MIOS: variants seen among roughly 807,000 people sequenced by gnomAD.
MIOS encodes the protein meiosis regulator for oocyte development, also known as GATOR2 complex protein MIOS.
A neutral mutation model predicts 96.9 loss-of-function variants in MIOS; 52 were observed. The ratio of observed to expected loss-of-function variants is 0.54; its 90% confidence interval spans 0.43 to 0.68. The LOEUF (loss-of-function observed/expected upper bound fraction) is 0.68. MIOS is among the 30% of genes least tolerant of loss of function. The pLI is 0.00. For synonymous variants in MIOS, 397 were observed against 359.5 expected (o/e 1.10, Z -1.18); for missense variants, 1,005 against 1,052.8 (o/e 0.95, Z 0.63).
chr7:7,593,634 G>C (rs2190247), intron 9 of MIOS, among the ~76,000 whole-genome samples: 146,608 of 152,026 alleles, frequency 0.96, 70,728 homozygotes, highest in East Asian at 1. Flanking sequence ...TGACTCATGC[G>C]TGTAATCCCA....
At chr7:7,594,862 C>CG (rs1784157956) in intron 9 of MIOS, 118 bp from the exon 10 acceptor site, 2 of 351,722 alleles carry the variant, frequency 5.7e-6, no homozygotes, top group African/African-American at 4.7e-5. Flanking sequence ...CAGCTTTTGG[C>CG]AAAAAAAAAA....
chr7:7,590,212 CTG>C (rs1430749342), intron 9 of MIOS, among the ~76,000 whole-genome samples: 1 of 152,116 alleles, frequency 6.6e-6, no homozygotes, highest in Admixed American at 6.5e-5. Flanking sequence ...TGGTAGCATA[CTG>C]TGTACTGGGT....
chr7:7,593,993 T>C (rs16878521), intron 9 of MIOS, among the ~76,000 whole-genome samples: 7,249 of 152,012 alleles, frequency 0.048, 530 homozygotes, highest in African/African-American at 0.17. Flanking sequence ...AAATTATTAC[T>C]GGCAAGAACT....
Position 7,606,020 on chromosome 7 carries a change from G to A in MIOS, c.2480G>A (p.Cys827Tyr). Residue 827 changes from cysteine (C) to tyrosine (Y), a missense_variant, in exon 12 of 13, where the codon TGT becomes TAT. Coordinates refer to ENST00000340080, the MANE Select transcript of MIOS (RefSeq NM_019005.4). ...LAQFNNWFTW[C>Y]HNCRHGGHAG... ...CAATTTAACAACTGGTTTACATGGT[G>A]TCATAATTGCAGGCACGGTGGACAT... 6.2e-7 allele frequency: 1 copy of A among 1,613,992 alleles called. No homozygotes were observed. Among genetic ancestry groups the A allele is most frequent in the Non-Finnish European group, 8.5e-7 (1 of 1,179,910 alleles).
chr7:7,586,504 G>C (rs1448113360), intron 7 of MIOS, among the ~76,000 whole-genome samples: 1 of 152,050 alleles, frequency 6.6e-6, no homozygotes, highest in Non-Finnish European at 1.5e-5. Flanking sequence ...GCACTACTTG[G>C]CTTCTTTCTA....
At chr7:7,589,991 G>A (rs192961362) in intron 9 of MIOS, among the ~76,000 whole-genome samples, 2 of 152,128 alleles carry the variant, frequency 1.3e-5, no homozygotes, top group East Asian at 3.9e-4. Context: ...GGGTATTTGG[G>A]GTAACCAATT....
At chr7:7,595,362 G>C (rs1269489106) in intron 10 of MIOS, among the ~76,000 whole-genome samples, 1 of 152,104 alleles carries the variant, frequency 6.6e-6, no homozygotes, top group Non-Finnish European at 1.5e-5. Context: ...CAGGCCTGAA[G>C]TTTTCCAGTG....
chr7:7,609,141 C>G (rs764968821), downstream of MIOS, among the ~76,000 whole-genome samples: 3 of 151,966 alleles, frequency 2.0e-5, no homozygotes, highest in Non-Finnish European at 4.4e-5. Flanking sequence ...GTCATTGTAT[C>G]TAATCAAGAA....
At chr7:7,606,185 T>G in intron 12 of MIOS, 114 bp downstream of exon 12, 1 of 1,346,558 alleles carries the variant, frequency 7.4e-7, no homozygotes, top group Non-Finnish European at 1.0e-6. Flanking sequence ...AATTTTATTT[T>G]TTACTGTCAC....
At position 7,573,977 on chromosome 7, in the gene MIOS, C is replaced by A; in HGVS notation, c.1295-121C>A. 1.1e-6 allele frequency: 1 copy of A among 906,236 alleles called. No individual in the cohort carries two copies. The highest frequency in any genetic ancestry group is 2.7e-5 in the East Asian group (1 of 37,714). 56.1% of individuals were successfully genotyped at this position (906,236 alleles called of 1,614,324 possible). A position where few individuals can be genotyped will look rare whatever the true frequency, so the allele number is the denominator to read the frequency against. The stretch of plus-strand genomic sequence containing the variant: ...TAGGAGGAAGAAAAGTGTATCTCTG[C>A]AATAGAGTCGAACCACCTTATTTAC... On this transcript the variant is annotated intron_variant, in intron 4 of 12. Transcript: ENST00000340080. The surrounding 1 kb of genome is among the most constrained non-coding windows in gnomAD (Gnocchi z 5.0).
At chr7:7,595,341 A>G (rs1563038438) in intron 10 of MIOS, among the ~76,000 whole-genome samples, 2 of 152,196 alleles carry the variant, frequency 1.3e-5, no homozygotes, top group East Asian at 1.9e-4. Context: ...CGCAGATAGA[A>G]CAAACCACAG....
chr7:7,606,346 A>T (rs1784530858), intron 12 of MIOS, among the ~76,000 whole-genome samples: 2 of 152,176 alleles, frequency 1.3e-5, no homozygotes, highest in African/African-American at 2.4e-5. Context: ...CGGGGAGAGG[A>T]TATGTTTACA....
chr7:7,587,403 T>C (rs1563029937), intron 7 of MIOS, among the ~76,000 whole-genome samples: 1 of 152,188 alleles, frequency 6.6e-6, no homozygotes, highest in Non-Finnish European at 1.5e-5. Context: ...TCCAAGCTGT[T>C]TCATTTATGT....
chr7:7,574,288 T>A lies in MIOS; in HGVS notation c.1393+92T>A, dbSNP rs73349849. 7,213 of 903,270 alleles carry A rather than the reference T, an allele frequency of 8.0e-3. 373 individuals carry two copies. In the African/African-American group the frequency reaches 0.11, roughly 14 times the overall value. 56.0% of individuals were successfully genotyped at this position (903,270 alleles called of 1,614,324 possible). A position where few individuals can be genotyped will look rare whatever the true frequency, so the allele number is the denominator to read the frequency against. On this transcript the variant is annotated intron_variant, in intron 5 of 12. Coordinates refer to ENST00000340080, the MANE Select transcript of MIOS (RefSeq NM_019005.4). ...TCATTTGGCAGAAATTATCTAGTTA[T>A]TTCAGGATCATGTACATAATTTTTT...
chr7:7,604,640 G>A (rs972316415), intron 11 of MIOS, among the ~76,000 whole-genome samples: 5 of 151,980 alleles, frequency 3.3e-5, no homozygotes, highest in South Asian at 4.2e-4. Flanking sequence ...CTCTAGTTTC[G>A]CCTAAAGTGT....
chr7:7,572,913 T>A lies in MIOS; in HGVS notation c.438T>A (p.Asp146Glu), dbSNP rs1783402255. The change falls in exon 4 of 13, where the codon GAT (aspartate) becomes GAA (glutamate). Residue 146 changes from aspartate (D) to glutamate (E), a missense_variant. Asp to Glu is a conservative substitution (Grantham distance 45). Transcript: ENST00000340080. This position sits in a 1 kb window ranked among gnomAD's most constrained non-coding sequence, Gnocchi z 4.8. ...CTGACTTTTCAGTGCTAATATGGGA[T>A]ATCTGCAGCAAATATACTCCTGATA... ...HRADFSVLIW[D>E]ICSKYTPDIV... is the part of the protein sequence containing the mutation. The A allele has an allele frequency of 1.9e-6, 3 of 1,614,176 alleles. No individual in the cohort carries two copies. The highest frequency in any genetic ancestry group is 2.5e-6 in the Non-Finnish European group (3 of 1,180,008).
At chr7:7,587,380 C>T (rs552886743) in intron 7 of MIOS, among the ~76,000 whole-genome samples, 3 of 152,032 alleles carry the variant, frequency 2.0e-5, no homozygotes, top group African/African-American at 4.8e-5. Flanking sequence ...ATCTTGAGTA[C>T]GAAGTTCATA....
intron 3 of MIOS, among the ~76,000 whole-genome samples, chr7:7,570,750 A>G (rs752034155): frequency 3.3e-5 from 5 of 152,092 alleles, no homozygotes; most frequent in Non-Finnish European, 5.9e-5. Context: ...GTGAGAAACT[A>G]ATGCTGCTAT....
chr7:7,578,133 T>C (rs1488609618), intron 5 of MIOS, among the ~76,000 whole-genome samples: 2 of 152,148 alleles, frequency 1.3e-5, no homozygotes, highest in Non-Finnish European at 2.9e-5. Flanking sequence ...AAGGAGTAGC[T>C]AAAGTCTTGG....
Sources: allele counts gnomAD v4.1 joint callset (sites outside exome capture counted in the v4.1 genomes callset), GRCh38; gene constraint gnomAD v4.1.1; non-coding constraint Gnocchi (gnomAD v3.1); transcripts MANE v1.5; gene names NCBI Gene and HGNC (gene_info 2026-07-23, HGNC 2026-07-21).